PKN2: variants seen among roughly 807,000 people sequenced by gnomAD.
PKN2 encodes protein kinase N2, also known as serine/threonine-protein kinase N2.
PKN2 carries 38 observed loss-of-function variants against 119.1 expected under a neutral mutation model. The observed-to-expected ratio is 0.32, with a 90% CI of 0.25 to 0.42. The LOEUF is 0.42. PKN2 is among the 10% of genes least tolerant of loss of function. PKN2 has a pLI of 1.00. For synonymous variants in PKN2, 390 were observed against 384.9 expected (o/e 1.01, Z -0.15); for missense variants, 850 against 1,165.1 (o/e 0.73, Z 3.94).
At chr1:88,718,436 GC>G in intron 1 of PKN2, among the ~76,000 whole-genome samples, 1 of 152,208 alleles carries the variant, frequency 6.6e-6, no homozygotes, top group East Asian at 1.9e-4. Context: ...GTCTACAGAG[GC>G]AGGCAGGCCT....
chr1:88,692,447 C>G (rs914058533), intron 1 of PKN2, among the ~76,000 whole-genome samples: 1 of 152,064 alleles, frequency 6.6e-6, no homozygotes, highest in Non-Finnish European at 1.5e-5. Flanking sequence ...GCAGAACTTT[C>G]AATATGGTTG....
chr1:88,734,553 G>A (rs529861542), intron 1 of PKN2, among the ~76,000 whole-genome samples: 2 of 152,254 alleles, frequency 1.3e-5, no homozygotes, highest in South Asian at 4.1e-4. Flanking sequence ...ATTGATTTGT[G>A]TGTCTTTTTT....
rs1388409559 is a variant in PKN2, at chr1:88,684,804, C to T, written c.48+176C>T. 5.3e-5 allele frequency: 29 copies of T among 543,046 alleles called. No individual in the cohort carries two copies. The East Asian group carries it at 1.0e-3, about 19-fold the overall frequency. The allele number at this position is 543,046 out of a possible 1,614,324, so 33.6% of individuals were successfully genotyped here. ...CTCGGGGAACCGCTTCCCTGGGGAG[C>T]CGGACCCTCTCCCCCGCCAAAGCCC... On this transcript the variant is annotated intron_variant, in intron 1 of 21. Coordinates refer to ENST00000370521, the MANE Select transcript of PKN2 (RefSeq NM_006256.4).
At chr1:88,768,378 A>T (rs1287633051) in intron 3 of PKN2, among the ~76,000 whole-genome samples, 1 of 152,112 alleles carries the variant, frequency 6.6e-6, no homozygotes, top group Non-Finnish European at 1.5e-5. Context: ...TGTTTTTTCC[A>T]GCTGCTGGAG....
intron 2 of PKN2, among the ~76,000 whole-genome samples, chr1:88,750,052 G>A (rs1037533479): frequency 2.0e-5 from 3 of 152,128 alleles, no homozygotes; most frequent in African/African-American, 7.2e-5. Context: ...GGAACCTGTC[G>A]AGACCTTGGT....
rs1670728682 is a variant in PKN2, at chr1:88,789,630, T to C, written c.1281+3417T>C. Among the ~76,000 whole-genome samples, 3 of 151,638 alleles carry C rather than the reference T, an allele frequency of 2.0e-5. No individual in the cohort carries two copies. The South Asian group carries it at 6.2e-4, about 32-fold the overall frequency. ...GTGAGCTGAGATCACGCCACTGCAC[T>C]CCAGCCTGGGCGACAGAGCAAGACT... On this transcript the variant is annotated intron_variant, in intron 8 of 21. Coordinates refer to ENST00000370521, the MANE Select transcript of PKN2 (RefSeq NM_006256.4).
rs200476994 is a variant in PKN2 at position 88,807,687 on chromosome 1, C to T, written c.2014C>T (p.Leu672Phe). ...VLGRGHFGKV[L>F]LAEYKNTNEM... ...AATTATTTTAATTTTATTTCAGGTGCTTTTAGCTGAATATAAAAACACAAA... is the reference window on the plus strand; with the variant it reads ...AATTATTTTAATTTTATTTCAGGTGTTTTTAGCTGAATATAAAAACACAAA... Residue 672 changes from leucine to phenylalanine, a missense_variant, in exon 15 of 22, where the codon CTT becomes TTT. Leu to Phe is a conservative substitution (Grantham distance 22). Transcript: ENST00000370521. The T allele has an allele frequency of 1.1e-5, 17 of 1,583,614 alleles. No homozygotes were observed. Among genetic ancestry groups the T allele is most frequent in the Non-Finnish European group, 1.0e-5 (12 of 1,159,980 alleles).
chr1:88,699,414 T>A (rs909939270), intron 1 of PKN2, among the ~76,000 whole-genome samples: 23 of 152,212 alleles, frequency 1.5e-4, no homozygotes, highest in East Asian at 1.9e-4. Context: ...TCCCCTTTTT[T>A]AAAAATTTCC....
intron 1 of PKN2, among the ~76,000 whole-genome samples, chr1:88,733,474 G>C (rs542473420): frequency 1.3e-5 from 2 of 152,090 alleles, no homozygotes; most frequent in Non-Finnish European, 2.9e-5. Flanking sequence ...TGGGTTGTTT[G>C]TATGTTCTTT....
chr1:88,754,542 G>A (rs1210289848), intron 2 of PKN2, among the ~76,000 whole-genome samples: 1 of 152,146 alleles, frequency 6.6e-6, no homozygotes, highest in Non-Finnish European at 1.5e-5. Flanking sequence ...CAATAGTATT[G>A]AAGAAAACAA....
chr1:88,746,085 A>G (rs1668759293), intron 2 of PKN2, among the ~76,000 whole-genome samples: 1 of 152,114 alleles, frequency 6.6e-6, no homozygotes, highest in South Asian at 2.1e-4. Flanking sequence ...TATACCTTAT[A>G]CCTTTAAACC....
At chr1:88,691,059 A>ATTTTAT (rs972028843) in intron 1 of PKN2, among the ~76,000 whole-genome samples, 9 of 151,866 alleles carry the variant, frequency 5.9e-5, no homozygotes, top group African/African-American at 1.9e-4. Flanking sequence ...TTTTTTATTT[A>ATTTTAT]TTTTATTTTT....
chr1:88,784,935 T>G (rs549890137), intron 7 of PKN2, 111 bp downstream of exon 7: 1 of 534,078 alleles, frequency 1.9e-6, no homozygotes, highest in East Asian at 3.4e-5. Context: ...TTTTTATAAT[T>G]TAATTAAAAA....
intron 8 of PKN2, among the ~76,000 whole-genome samples, chr1:88,801,924 A>G (rs552617435): frequency 1.1e-3 from 167 of 152,362 alleles, no homozygotes; most frequent in Admixed American, 2.3e-3. Flanking sequence ...TGATTTGCTA[A>G]TAACCTAAAA....
At chr1:88,746,605 G>C (rs145848560) in intron 2 of PKN2, among the ~76,000 whole-genome samples, 126 of 152,118 alleles carry the variant, frequency 8.3e-4, no homozygotes, top group South Asian at 2.7e-3. Context: ...AAAATGGAAG[G>C]TAAGTGATGG....
At chr1:88,809,233 T>C (rs1298747420) in intron 15 of PKN2, among the ~76,000 whole-genome samples, 2 of 152,334 alleles carry the variant, frequency 1.3e-5, no homozygotes, top group Non-Finnish European at 2.9e-5. Flanking sequence ...GCTGGATATT[T>C]ATAAAATATT....
chr1:88,820,233 T>TATATATATAA (rs1672212653), intron 16 of PKN2, among the ~76,000 whole-genome samples: 4 of 52,702 alleles, frequency 7.6e-5, no homozygotes, highest in Non-Finnish European at 1.5e-4. Context: ...TATATATATA[T>TATATATATAA]AAATAGAAAA....
chr1:88,684,467 G>GTTT lies in PKN2; in HGVS notation c.-103_-101dup. ...GCTGCGCCTCCATGAATCCCTAGTTGTTTTTTTTTTTTTCTTTCTCTCCCC... is the reference window on the plus strand; with the variant it reads ...GCTGCGCCTCCATGAATCCCTAGTTGTTTTTTTTTTTTTTTTCTTTCTCTCCCC... On this transcript the variant is annotated 5_prime_UTR_variant, in exon 1 of 22. Transcript: ENST00000370521. 6.4e-5 allele frequency: 42 copies of GTTT among 654,784 alleles called. No individual in the cohort carries two copies. The highest frequency in any genetic ancestry group is 3.6e-4 in the Middle Eastern group (1 of 2,746). 40.6% of individuals were successfully genotyped at this position (654,784 alleles called of 1,614,324 possible).
chr1:88,766,485 TTTAG>T (rs1669674093), intron 3 of PKN2, among the ~76,000 whole-genome samples: 1 of 152,212 alleles, frequency 6.6e-6, no homozygotes, highest in South Asian at 2.1e-4. Context: ...CGTATAATTT[TTTAG>T]TTATTCTTAT....
Sources: allele counts gnomAD v4.1 joint callset (sites outside exome capture counted in the v4.1 genomes callset), GRCh38; gene constraint gnomAD v4.1.1; transcripts MANE v1.5; gene names NCBI Gene and HGNC (gene_info 2026-07-23, HGNC 2026-07-21).